The following PTPN9 variants were observed in gnomAD, a reference collection of about 807,000 sequenced individuals.
PTPN9 encodes the protein protein tyrosine phosphatase non-receptor type 9, also known as tyrosine-protein phosphatase non-receptor type 9.
A neutral mutation model predicts 69.8 loss-of-function variants in PTPN9; 26 were observed. The ratio of observed to expected loss-of-function variants is 0.37; its 90% CI spans 0.27 to 0.52. PTPN9 has a LOEUF of 0.52. Ranked by LOEUF, PTPN9 falls within the 20% of genes least tolerant of loss-of-function variation. PTPN9 has a pLI of 0.91. For missense variants in PTPN9, 549 were observed against 740.3 expected, an observed-to-expected ratio of 0.74 and a Z score of 3.00; for synonymous variants, 274 against 272.5, an observed-to-expected ratio of 1.01 and a Z score of -0.05.
At chr15:75,548,238 A>C (rs998027163) in intron 1 of PTPN9, among the ~76,000 whole-genome samples, 1 of 151,968 alleles carries the variant, frequency 6.6e-6, no homozygotes, top group African/African-American at 2.4e-5. Context: ...CTAAATTAAA[A>C]TATCATAATA....
chr15:75,505,329 G>A lies in PTPN9; in HGVS notation c.968+346C>T, dbSNP rs530516264. On this transcript the variant is annotated intron_variant, in intron 7 of 12. Transcript: ENST00000618819. ...AGGGACACAAACACTGCGGAAGGCC[G>A]CAGGGTCCTCTGCCTAGGAAAACCA... Among the ~76,000 whole-genome samples the A allele has an allele frequency of 3.3e-3, 495 of 149,646 alleles. 4 individuals are homozygous for A. Among genetic ancestry groups the A allele is most frequent in the African/African-American group, 0.012 (478 of 40,514 alleles).
chr15:75,523,315 TACTGG>T, intron 3 of PTPN9, 70 bp from the exon 4 acceptor site: 2 of 1,513,150 alleles, frequency 1.3e-6, no homozygotes, highest in Non-Finnish European at 1.8e-6. Context: ...AAGACTTATA[TACTGG>T]ATAAGGGTTT....
At chr15:75,546,370 G>A (rs541336279) in intron 1 of PTPN9, among the ~76,000 whole-genome samples, 18 of 152,234 alleles carry the variant, frequency 1.2e-4, no homozygotes, top group African/African-American at 3.9e-4. Context: ...TCAGCCAGGC[G>A]CAGTGCCTCA....
intron 1 of PTPN9, among the ~76,000 whole-genome samples, chr15:75,529,547 A>G (rs1235417422): frequency 6.6e-6 from 1 of 152,190 alleles, no homozygotes; most frequent in East Asian, 1.9e-4. Context: ...TTGCTTCGAA[A>G]GGTATAAAAC....
intron 4 of PTPN9, among the ~76,000 whole-genome samples, chr15:75,521,228 G>A (rs1433041875): frequency 2.7e-5 from 4 of 149,328 alleles, no homozygotes; most frequent in African/African-American, 7.4e-5. Context: ...GGTGGATCAC[G>A]AGCTCAGGTG....
chr15:75,543,300 T>C (rs1265566273), intron 1 of PTPN9, among the ~76,000 whole-genome samples: 5 of 152,008 alleles, frequency 3.3e-5, no homozygotes, highest in Non-Finnish European at 7.4e-5. Flanking sequence ...GTGTGAAGCA[T>C]TTAAGATATA....
intron 7 of PTPN9, among the ~76,000 whole-genome samples, chr15:75,490,581 T>C (rs2074703667): frequency 6.6e-6 from 1 of 151,966 alleles, no homozygotes; most frequent in Non-Finnish European, 1.5e-5. Context: ...GGAGGATTGC[T>C]TGAGGCCAGG....
chr15:75,482,449 C>G (rs935256500), intron 8 of PTPN9, among the ~76,000 whole-genome samples: 1 of 151,794 alleles, frequency 6.6e-6, no homozygotes, highest in African/African-American at 2.4e-5. Context: ...CCTGTAGTCC[C>G]AGCTACTCGG....
At chr15:75,537,193 A>T (rs2141327948) in intron 1 of PTPN9, among the ~76,000 whole-genome samples, 1 of 151,542 alleles carries the variant, frequency 6.6e-6, no homozygotes, top group South Asian at 2.1e-4. Context: ...CTCTACTAAA[A>T]ATACAAAACT....
intron 1 of PTPN9, among the ~76,000 whole-genome samples, chr15:75,561,435 A>T (rs1414629836): frequency 6.6e-6 from 1 of 152,204 alleles, no homozygotes; most frequent in African/African-American, 2.4e-5. Flanking sequence ...GGAAAAAAAA[A>T]AATGGGCAAA....
intron 1 of PTPN9, among the ~76,000 whole-genome samples, chr15:75,540,022 T>C (rs559416863): frequency 7.0e-4 from 107 of 152,336 alleles, no homozygotes; most frequent in Admixed American, 3.1e-3. Flanking sequence ...TTTTATTTAT[T>C]AGGAAGTGTG....
At chr15:75,512,804 C>T in intron 5 of PTPN9, 1 of 273,668 alleles carries the variant, frequency 3.7e-6, no homozygotes, top group Non-Finnish European at 7.3e-6. Context: ...TCCTCTTCCA[C>T]ACCTCTGAGA....
At chr15:75,500,504 C>T (rs1950147224) in intron 7 of PTPN9, among the ~76,000 whole-genome samples, 2 of 152,072 alleles carry the variant, frequency 1.3e-5, no homozygotes, top group Admixed American at 1.3e-4. Context: ...TACCATTGCA[C>T]TCCAGCCTGG....
chr15:75,485,863 G>A (rs2074672707), intron 8 of PTPN9, among the ~76,000 whole-genome samples: 1 of 151,026 alleles, frequency 6.6e-6, no homozygotes, highest in Non-Finnish European at 1.5e-5. Flanking sequence ...CACTTTGGGA[G>A]GCCAAGGCGG....
At chr15:75,494,053 T>TA (rs2074725830) in intron 7 of PTPN9, among the ~76,000 whole-genome samples, 1 of 151,072 alleles carries the variant, frequency 6.6e-6, no homozygotes, top group Non-Finnish European at 1.5e-5. Flanking sequence ...CAGCGTTGAG[T>TA]ACTTGTAACA....
intron 1 of PTPN9, among the ~76,000 whole-genome samples, chr15:75,576,399 GT>G (rs1451596315): frequency 6.6e-6 from 1 of 151,570 alleles, no homozygotes; most frequent in Non-Finnish European, 1.5e-5. Flanking sequence ...GCTGGGCATG[GT>G]GGGTACCTGT....
rs774206319 is a variant in PTPN9 at position 75,469,864 on chromosome 15, C to G, written c.1495G>C (p.Gly499Arg). 1.9e-6 allele frequency: 3 copies of G among 1,614,046 alleles called. No individual in the cohort carries two copies. The highest frequency in any genetic ancestry group is 2.5e-6 in the Non-Finnish European group (3 of 1,180,036). The change falls in exon 12 of 13, where the codon GGA becomes CGA. Residue 499 changes from glycine to arginine, a missense_variant. By Grantham distance (125) the Gly-to-Arg change is moderately radical. Transcript: ENST00000618819. ...NQQSLAVSNMGARSKGQCPEP... is the reference protein window; with the variant it reads ...NQQSLAVSNMRARSKGQCPEP... ...GGGCACTGCCCTTTGGAGCGTGCTCCCATGTTGCTCACAGCCAGACTCTGC... is the reference window on the plus strand; with the variant it reads ...GGGCACTGCCCTTTGGAGCGTGCTCGCATGTTGCTCACAGCCAGACTCTGC...
rs2074674146 is a variant in PTPN9 at position 75,486,013 on chromosome 15, T to A, written c.1062+4195A>T. The stretch of plus-strand genomic sequence containing the variant: ...TACCTGGGAGGCTGAGGCAGGAGAA[T>A]GGCACGAACCCGGGAGGTGGAGGTT... On this transcript the variant is annotated intron_variant, in intron 8 of 12. Coordinates refer to ENST00000618819, the MANE Select transcript of PTPN9 (RefSeq NM_002833.4). Among the ~76,000 whole-genome samples the A allele has an allele frequency of 3.5e-5, 5 of 143,608 alleles. No individual in the cohort carries two copies. In the Admixed American group the frequency reaches 3.7e-4, roughly 11 times the overall value. 94.2% of individuals were successfully genotyped at this position (143,608 alleles called of 152,430 possible). A position where few individuals can be genotyped will look rare whatever the true frequency, so the allele number is the denominator to read the frequency against.
Position 75,505,694 on chromosome 15 carries a change from C to G in PTPN9, c.949G>C (p.Gly317Arg). 6.2e-7 allele frequency: 1 copy of G among 1,613,762 alleles called. No individual in the cohort carries two copies. The highest frequency in any genetic ancestry group is 8.5e-7 in the Non-Finnish European group (1 of 1,179,832). Residue 317 changes from glycine (G) to arginine (R), a missense_variant, in exon 7 of 13, where the codon GGC becomes CGC. Gly to Arg is a moderately radical substitution (Grantham distance 125). Transcript: ENST00000618819. Reference protein sequence around the residue: ...YEDIRRENPVGTFHCSMSPGN... With the variant: ...YEDIRRENPVRTFHCSMSPGN... The stretch of plus-strand genomic sequence containing the variant: ...ACTTACATGGAACAGTGGAAAGTGC[C>G]AACAGGGTTCTCACGACGAATGTCT...
Sources: gnomAD v4.1 joint callset for allele counts (sites outside exome capture counted in the v4.1 genomes callset) on GRCh38, gnomAD v4.1.1 for gene constraint, MANE v1.5 for transcripts, NCBI Gene and HGNC (gene_info 2026-07-23, HGNC 2026-07-21) for gene names.